The following PTPRE variants were observed in gnomAD, a reference collection of about 807,000 sequenced individuals.
PTPRE encodes the protein protein tyrosine phosphatase receptor type E, also known as receptor-type tyrosine-protein phosphatase epsilon.
A neutral mutation model predicts 102.0 loss-of-function variants in PTPRE; 51 were observed. The observed-to-expected ratio is 0.50, with a 90% confidence interval of 0.40 to 0.63. PTPRE has a LOEUF of 0.63. Ranked by LOEUF, PTPRE falls within the 30% of genes least tolerant of loss-of-function variation. The pLI, the probability that PTPRE is intolerant of heterozygous loss-of-function variation, is 0.00. For synonymous variants in PTPRE, 345 were observed against 348.2 expected, an observed-to-expected ratio of 0.99 and a Z score of 0.10; for missense variants, 752 against 915.1, an observed-to-expected ratio of 0.82 and a Z score of 2.30.
intron 1 of PTPRE, among the ~76,000 whole-genome samples, chr10:127,966,865 A>G (rs901330155): frequency 6.6e-6 from 1 of 152,274 alleles, no homozygotes; most frequent in South Asian, 2.1e-4. Flanking sequence ...AAGGTCATCC[A>G]TATGACCAAC....
At chr10:128,066,348 G>A (rs1157085261) in intron 11 of PTPRE, among the ~76,000 whole-genome samples, 154 bp downstream of exon 11, 1 of 152,254 alleles carries the variant, frequency 6.6e-6, no homozygotes, top group East Asian at 1.9e-4. Context: ...GGCTGTGATA[G>A]GCAGACATGC....
intron 1 of PTPRE, among the ~76,000 whole-genome samples, chr10:127,960,883 T>C (rs1292325682): frequency 1.3e-5 from 2 of 151,854 alleles, no homozygotes; most frequent in Non-Finnish European, 2.9e-5. Flanking sequence ...TAGCCGGGCG[T>C]GGTGGTGGTC....
chr10:127,908,767 G>T (rs115143118), intron 1 of PTPRE, among the ~76,000 whole-genome samples: 149 of 152,332 alleles, frequency 9.8e-4, no homozygotes, highest in African/African-American at 3.4e-3. Flanking sequence ...TGGGGGCCAA[G>T]ATTTTTGTTC....
intron 1 of PTPRE, among the ~76,000 whole-genome samples, chr10:127,954,533 C>T (rs1849262508): frequency 2.0e-5 from 3 of 152,164 alleles, no homozygotes; most frequent in Non-Finnish European, 4.4e-5. Context: ...TCACCCAAAG[C>T]CAAAGAAGTG....
At chr10:127,994,227 A>C (rs1025935426) in intron 2 of PTPRE, among the ~76,000 whole-genome samples, 7 of 152,342 alleles carry the variant, frequency 4.6e-5, no homozygotes, top group Non-Finnish European at 1.0e-4. Flanking sequence ...GGTCCTGCCC[A>C]TGGTGACTGG....
chr10:127,970,890 T>G (rs1189217035), intron 1 of PTPRE, among the ~76,000 whole-genome samples: 2 of 152,084 alleles, frequency 1.3e-5, no homozygotes, highest in Non-Finnish European at 2.9e-5. Context: ...TTTGAATGAT[T>G]AGTCATTTCA....
At chr10:128,020,056 ACG>A (rs1009405466) in intron 2 of PTPRE, among the ~76,000 whole-genome samples, 3 of 84,222 alleles carry the variant, frequency 3.6e-5, no homozygotes, top group Admixed American at 2.0e-4. Context: ...GCACGCGCGC[ACG>A]TGTGTGTGTG....
At chr10:127,990,488 G>A (rs959542386) in intron 2 of PTPRE, among the ~76,000 whole-genome samples, 2 of 151,230 alleles carry the variant, frequency 1.3e-5, no homozygotes, top group Non-Finnish European at 2.9e-5. Flanking sequence ...ATCACTCTGA[G>A]TCACACCTTC....
At chr10:127,965,050 C>T in intron 1 of PTPRE, 22 of 456,252 alleles carry the variant, frequency 4.8e-5, no homozygotes, top group South Asian at 3.3e-4. Flanking sequence ...TCTCAGAACC[C>T]TTTGAAGATC....
At chr10:127,938,514 T>A (rs548996911) in intron 1 of PTPRE, among the ~76,000 whole-genome samples, 3 of 152,184 alleles carry the variant, frequency 2.0e-5, no homozygotes, top group African/African-American at 7.2e-5. Flanking sequence ...GGTGGGAGGA[T>A]CGCTTGAGCC....
chr10:128,005,645 G>A (rs536313314), intron 2 of PTPRE, among the ~76,000 whole-genome samples: 4 of 152,370 alleles, frequency 2.6e-5, no homozygotes, highest in Admixed American at 6.5e-5. Flanking sequence ...GGGCGTCCCC[G>A]AGCAGGTGAC....
At chr10:128,081,246 A>G (rs532832252) in intron 20 of PTPRE, among the ~76,000 whole-genome samples, 1 of 152,256 alleles carries the variant, frequency 6.6e-6, no homozygotes, top group East Asian at 1.9e-4. Flanking sequence ...GTGGCCCAAG[A>G]ACCAGTTTCC....
intron 2 of PTPRE, among the ~76,000 whole-genome samples, chr10:127,982,689 G>A (rs1414408661): frequency 6.6e-6 from 1 of 152,104 alleles, no homozygotes; most frequent in Admixed American, 6.5e-5. Context: ...GCACATAATT[G>A]CATTGATGGT....
rs1032698881 is a variant in PTPRE, at chr10:128,061,719, A to T, written c.625+4A>T. ...AATAAATTCATAGCAGCTCAAGGTA[A>T]GCTTTTTATTAATTTCTCAACGTAT... On this transcript the variant is annotated splice_donor_region_variant and intron_variant, in intron 9 of 20. Transcript: ENST00000254667. 1.6e-5 allele frequency: 26 copies of T among 1,582,440 alleles called. No homozygotes were observed. Among genetic ancestry groups the T allele is most frequent in the Non-Finnish European group, 2.1e-5 (24 of 1,167,222 alleles).
intron 2 of PTPRE, among the ~76,000 whole-genome samples, chr10:128,031,938 CT>C (rs1158101950): frequency 2.0e-5 from 3 of 152,140 alleles, no homozygotes; most frequent in African/African-American, 7.2e-5. Flanking sequence ...AGAGACAGCC[CT>C]ATTTTCTGCT....
In PTPRE at chr10:128,067,104, G is replaced by A. The variant is rs546952859; in HGVS notation, c.843+910G>A. 5.0e-5 allele frequency among the ~76,000 whole-genome samples: 7 copies of A among 138,760 alleles called. No individual in the cohort carries two copies. The East Asian group carries it at 9.0e-4, about 18-fold the overall frequency. 91.0% of individuals were successfully genotyped at this position (138,760 alleles called of 152,430 possible). A position where few individuals can be genotyped will look rare whatever the true frequency, so the allele number is the denominator to read the frequency against. Reference sequence around the variant, plus strand: ...CACAGGCACACACATGCACACACACGCACACAACCGTACAATGCATGCACG... The same window carrying A: ...CACAGGCACACACATGCACACACACACACACAACCGTACAATGCATGCACG... On this transcript the variant is annotated intron_variant, in intron 11 of 20. Coordinates refer to ENST00000254667, the MANE Select transcript of PTPRE (RefSeq NM_006504.6).
chr10:127,958,822 C>T (rs1446248303), intron 1 of PTPRE, among the ~76,000 whole-genome samples: 1 of 150,444 alleles, frequency 6.6e-6, no homozygotes, highest in African/African-American at 2.5e-5. Flanking sequence ...GTGCCTGGTC[C>T]TTTCTGTTTT....
At chr10:127,987,500 C>A in intron 2 of PTPRE, 1 of 464,432 alleles carries the variant, frequency 2.2e-6, no homozygotes, top group Non-Finnish European at 3.4e-6. Flanking sequence ...AAGAATATTA[C>A]CAGGAAGGCG....
At chr10:127,991,483 T>C (rs1412248709) in intron 2 of PTPRE, among the ~76,000 whole-genome samples, 1 of 152,202 alleles carries the variant, frequency 6.6e-6, no homozygotes, top group Non-Finnish European at 1.5e-5. Flanking sequence ...AGAGGGTGTT[T>C]AACCTGACCT....
Sources: gnomAD v4.1 joint callset for allele counts (sites outside exome capture counted in the v4.1 genomes callset) on GRCh38, gnomAD v4.1.1 for gene constraint, MANE v1.5 for transcripts, NCBI Gene and HGNC (gene_info 2026-07-23, HGNC 2026-07-21) for gene names.